The following ADGRL2 variants were observed in gnomAD, a reference collection of about 807,000 sequenced individuals.
ADGRL2 encodes the protein adhesion G protein-coupled receptor L2, also known as calcium-independent alpha-latrotoxin receptor 2.
In ADGRL2, 44 loss-of-function variants were observed where a neutral mutation model predicts 157.4. The observed-to-expected ratio is 0.28, with a 90% CI of 0.22 to 0.36. The LOEUF is 0.36. Ranked by LOEUF, ADGRL2 falls within the 10% of genes least tolerant of loss-of-function variation. ADGRL2 has a pLI of 1.00. For synonymous variants in ADGRL2, 585 were observed against 624.7 expected (o/e 0.94, Z 0.95); for missense variants, 1,510 against 1,768.9 (o/e 0.85, Z 2.63).
intron 14 of ADGRL2, among the ~76,000 whole-genome samples, chr1:81,968,613 GA>G (rs1485646453): frequency 6.6e-6 from 1 of 152,130 alleles, no homozygotes; most frequent in African/African-American, 2.4e-5. Flanking sequence ...TGCATCTTTT[GA>G]AAAGTCAAAA....
At position 81,555,635 on chromosome 1, in the gene ADGRL2, A is replaced by C. The variant is rs552743954; in HGVS notation, c.-247-25241A>C. Among the ~76,000 whole-genome samples the C allele has an allele frequency of 1.3e-5, 2 of 152,204 alleles. 1 individual carries two copies. Among genetic ancestry groups the C allele is most frequent in the South Asian group, 4.1e-4 (2 of 4,820 alleles). ...TGAGGCGACCTGAAAAACTAACAAG[A>C]AAGCAAAATATCCCCCAAAGGCAGA... is the stretch of plus-strand genomic sequence containing the variant. On this transcript the variant is annotated intron_variant, in intron 2 of 24. Transcript: ENST00000370721.
At chr1:81,406,012 G>C (rs979990730) in intron 1 of ADGRL2, among the ~76,000 whole-genome samples, 1 of 152,258 alleles carries the variant, frequency 6.6e-6, no homozygotes, top group Middle Eastern at 3.4e-3. Context: ...CATCTTTACT[G>C]TAATTATCTT....
intron 1 of ADGRL2, among the ~76,000 whole-genome samples, chr1:81,443,431 C>G (rs1223495837): frequency 1.3e-5 from 2 of 149,520 alleles, no homozygotes; most frequent in Non-Finnish European, 3.0e-5. Context: ...GAGTGAAACT[C>G]CATCTCAAAA....
At chr1:81,575,016 C>CT (rs2080770459) in intron 2 of ADGRL2, among the ~76,000 whole-genome samples, 1 of 152,314 alleles carries the variant, frequency 6.6e-6, no homozygotes, top group East Asian at 1.9e-4. Context: ...TGGCATTATA[C>CT]TTACCTCTCT....
intron 1 of ADGRL2, among the ~76,000 whole-genome samples, chr1:81,442,414 A>G (rs376608063): frequency 1.3e-5 from 2 of 152,228 alleles, no homozygotes; most frequent in Non-Finnish European, 2.9e-5. Flanking sequence ...TACTTGAAAC[A>G]TTAAAATTAC....
Position 81,526,428 on chromosome 1 carries a change from T to C in ADGRL2, c.-247-54448T>C, listed in dbSNP as rs76343180. Among the ~76,000 whole-genome samples the C allele has an allele frequency of 8.0e-3, 1,211 of 152,302 alleles. 18 individuals carry two copies. Among genetic ancestry groups the C allele is most frequent in the African/African-American group, 0.028 (1,154 of 41,558 alleles). On this transcript the variant is annotated intron_variant, in intron 2 of 24. Coordinates refer to the ADGRL2 transcript ENST00000370721. ...TCAAATTCATGTCAATATTATAGCT[T>C]GATAGGTAGCAAACTACTTAAAAAG...
chr1:81,881,695 C>T (rs1317338443), intron 2 of ADGRL2, among the ~76,000 whole-genome samples: 1 of 152,104 alleles, frequency 6.6e-6, no homozygotes, highest in South Asian at 2.1e-4. Context: ...CTCTGAGTTC[C>T]TACACCGCTT....
intron 3 of ADGRL2, among the ~76,000 whole-genome samples, chr1:81,593,980 A>C (rs1421091233): frequency 6.6e-6 from 1 of 152,222 alleles, no homozygotes; most frequent in African/African-American, 2.4e-5. Flanking sequence ...ATTTCTGCAC[A>C]TAGATAGACA....
At chr1:81,905,014 A>T (rs2094558281) in intron 2 of ADGRL2, among the ~76,000 whole-genome samples, 1 of 151,784 alleles carries the variant, frequency 6.6e-6, no homozygotes, top group Non-Finnish European at 1.5e-5. Context: ...AAGTACCATG[A>T]TCTCTTTTCT....
chr1:81,874,178 G>C (rs541123975), intron 2 of ADGRL2, among the ~76,000 whole-genome samples: 1 of 152,144 alleles, frequency 6.6e-6, no homozygotes, highest in East Asian at 1.9e-4. Flanking sequence ...CAGTCTTCAT[G>C]GCTCCCTTTG....
At chr1:81,652,770 C>A (rs10399723) in intron 3 of ADGRL2, among the ~76,000 whole-genome samples, 54,584 of 151,972 alleles carry the variant, frequency 0.36, 10,405 homozygotes, top group East Asian at 0.67. Context: ...ACCCTACAAG[C>A]TTCCGGATGC....
intron 1 of ADGRL2, among the ~76,000 whole-genome samples, chr1:81,369,252 A>G (rs1349957683): frequency 6.6e-6 from 1 of 152,142 alleles, no homozygotes; most frequent in Non-Finnish European, 1.5e-5. Flanking sequence ...GAAAATGCAC[A>G]AGCATATATT....
chr1:81,768,845 T>C (rs1263985734), intron 2 of ADGRL2, among the ~76,000 whole-genome samples: 1 of 151,650 alleles, frequency 6.6e-6, no homozygotes, highest in Non-Finnish European at 1.5e-5. Flanking sequence ...TTTTGGGAGG[T>C]CGAGGCAGGC....
intron 3 of ADGRL2, among the ~76,000 whole-genome samples, chr1:81,679,206 G>A (rs2083057506): frequency 6.6e-6 from 1 of 152,140 alleles, no homozygotes; most frequent in East Asian, 1.9e-4. Context: ...AATGGGAGGT[G>A]TAAGAGGAGT....
intron 3 of ADGRL2, among the ~76,000 whole-genome samples, chr1:81,910,586 A>AT (rs2094697153): frequency 6.7e-6 from 1 of 148,726 alleles, no homozygotes; most frequent in African/African-American, 2.5e-5. Flanking sequence ...AATGGATATC[A>AT]TTTTTTCTGT....
chr1:81,519,084 G>T (rs1468724544), intron 2 of ADGRL2, among the ~76,000 whole-genome samples: 1 of 152,172 alleles, frequency 6.6e-6, no homozygotes, highest in Non-Finnish European at 1.5e-5. Flanking sequence ...GAGTCACAGA[G>T]ATTATGCGTA....
At chr1:81,977,824 A>G (rs545558716) in intron 17 of ADGRL2, among the ~76,000 whole-genome samples, 2 of 151,816 alleles carry the variant, frequency 1.3e-5, no homozygotes, top group African/African-American at 2.4e-5. Context: ...AAAAACCCTT[A>G]TGTTCAGAAG....
At chr1:81,631,433 T>C (rs137878265) in intron 3 of ADGRL2, among the ~76,000 whole-genome samples, 1 of 152,248 alleles carries the variant, frequency 6.6e-6, no homozygotes, top group African/African-American at 2.4e-5. Context: ...GCCAGGCTGG[T>C]CTGGAACTCC....
chr1:81,802,025 G>A (rs1353089388), intron 1 of ADGRL2, among the ~76,000 whole-genome samples: 1 of 150,940 alleles, frequency 6.6e-6, no homozygotes, highest in Non-Finnish European at 1.5e-5. Flanking sequence ...AGGCGGCGGC[G>A]GCCGAGCAGG....
Sources: allele counts gnomAD v4.1 joint callset (sites outside exome capture counted in the v4.1 genomes callset), GRCh38; gene constraint gnomAD v4.1.1; transcripts MANE v1.5; gene names NCBI Gene and HGNC (gene_info 2026-07-23, HGNC 2026-07-21).